The following ILK variants were observed in gnomAD, a reference collection of about 807,000 sequenced individuals.
ILK encodes scaffold protein ILK.
In ILK, 37 loss-of-function variants were observed where a neutral mutation model predicts 57.8. The observed-to-expected ratio is 0.64, with a 90% CI of 0.49 to 0.84. The LOEUF (loss-of-function observed/expected upper bound fraction) is 0.84. ILK is among the 40% of genes least tolerant of loss of function. The pLI is 0.00. For synonymous variants in ILK, 231 were observed against 202.2 expected, an observed-to-expected ratio of 1.14 and a Z score of -1.21; for missense variants, 528 against 595.7, an observed-to-expected ratio of 0.89 and a Z score of 1.18.
chr11:6,604,058 C>T (rs1854569904), intron 1 of ILK, 122 bp from the exon 2 acceptor site: 6 of 613,326 alleles, frequency 9.8e-6, no homozygotes, highest in South Asian at 9.4e-5. Context: ...CCCGCCTTTA[C>T]CTCGCGTCTA....
At chr11:6,605,285 G>C (rs1564841972) in intron 2 of ILK, among the ~76,000 whole-genome samples, 1 of 152,134 alleles carries the variant, frequency 6.6e-6, no homozygotes, top group Non-Finnish European at 1.5e-5. Flanking sequence ...TGAAGACGTG[G>C]TTGTGAAGGA....
Position 6,608,124 on chromosome 11 carries a change from G to A in ILK, c.168G>A (p.Arg56=). 1 of 1,614,118 alleles carries A rather than the reference G, an allele frequency of 6.2e-7. No individual in the cohort carries two copies. The highest frequency in any genetic ancestry group is 8.5e-7 in the Non-Finnish European group (1 of 1,179,994). The change falls in exon 3 of 13, where the codon CGG becomes CGA. Residue 56 remains arginine (R), a synonymous_variant. Coordinates refer to ENST00000299421, the MANE Select transcript of ILK (RefSeq NM_004517.4). The surrounding 1 kb of genome is among the most constrained non-coding windows in gnomAD (Gnocchi z 4.9). ...CTGTGGTTGAGATGTTGATCATGCGGGGGGCACGGATCAATGTAATGAACC... is the reference window on the plus strand; with the variant it reads ...CTGTGGTTGAGATGTTGATCATGCGAGGGGCACGGATCAATGTAATGAACC... ...RSAVVEMLIM[R]GARINVMNRG...
Position 6,609,292 on chromosome 11 carries a change from C to T in ILK, c.619-7C>T. ...TTCAAGCCTCCTAACCCCTACCTGT[C>T]CTGCAGCTATGGAAGGGCCGCTGGC... On this transcript the variant is annotated splice_polypyrimidine_tract_variant and splice_region_variant and intron_variant, in intron 7 of 12. Transcript: ENST00000299421. The T allele has an allele frequency of 6.2e-7, 1 of 1,613,450 alleles. No individual in the cohort carries two copies. The highest frequency in any genetic ancestry group is 1.1e-5 in the South Asian group (1 of 91,074).
intron 2 of ILK, among the ~76,000 whole-genome samples, chr11:6,605,121 A>G (rs1487680785): frequency 6.6e-6 from 1 of 152,200 alleles, no homozygotes; most frequent in Non-Finnish European, 1.5e-5. Context: ...TGGACATGTT[A>G]AAGTTAAGGT....
chr11:6,609,089 A>C lies in ILK; in HGVS notation c.551A>C (p.Lys184Thr), dbSNP rs762454800. The change falls in exon 7 of 13, where the codon AAA becomes ACA. Residue 184 changes from lysine (K) to threonine (T), a missense_variant. Coordinates refer to ENST00000299421, the MANE Select transcript of ILK (RefSeq NM_004517.4). ...CTCTTAGGAAATGGAACCCTGAACA[A>C]ACACTCTGGCATTGACTTCAAACAG... Reference protein sequence around the residue: ...RTRPRNGTLNKHSGIDFKQLN... With the variant: ...RTRPRNGTLNTHSGIDFKQLN... 1.1e-5 allele frequency: 17 copies of C among 1,614,032 alleles called. No individual in the cohort carries two copies. In the African/African-American group the frequency reaches 1.2e-4, roughly 11 times the overall value.
Position 6,610,172 on chromosome 11 carries a change from C to CA in ILK, c.1106dup (p.Asn369LysfsTer26). 1 of 1,614,226 alleles carries CA rather than the reference C, an allele frequency of 6.2e-7. No individual in the cohort carries two copies. The highest frequency in any genetic ancestry group is 8.5e-7 in the Non-Finnish European group (1 of 1,180,030). On this transcript the variant is annotated frameshift_variant, in exon 12 of 13. Coordinates refer to ENST00000299421, the MANE Select transcript of ILK (RefSeq NM_004517.4). LOFTEE classifies it high-confidence loss of function. Reference sequence around the variant, plus strand: ...GCTCTGCAGAAGAAGCCTGAAGACACAAACAGACGCTCAGCAGACATGTGG... The same window carrying CA: ...GCTCTGCAGAAGAAGCCTGAAGACACAAAACAGACGCTCAGCAGACATGTGG...
At chr11:6,604,531 T>G in intron 2 of ILK, 171 bp downstream of exon 2, 1 of 690,796 alleles carries the variant, frequency 1.4e-6, no homozygotes, top group Non-Finnish European at 2.6e-6. Flanking sequence ...TTGAGCTGAA[T>G]CTTGACTGCA....
intron 2 of ILK, chr11:6,607,589 G>T: frequency 4.3e-6 from 1 of 232,718 alleles, no homozygotes; most frequent in Non-Finnish European, 8.7e-6. Flanking sequence ...CCACTAACAT[G>T]CACTGAACAG....
chr11:6,610,222 C>A lies in ILK; in HGVS notation c.1153C>A (p.Leu385Met). The A allele has an allele frequency of 3.7e-6, 6 of 1,614,232 alleles. No homozygotes were observed. The highest frequency in any genetic ancestry group is 5.1e-6 in the Non-Finnish European group (6 of 1,180,048). The change falls in exon 12 of 13, where the codon CTG becomes ATG. Residue 385 changes from leucine (L) to methionine (M), a missense_variant. Transcript: ENST00000299421. ...GAGTTTTGCAGTGCTTCTGTGGGAA[C>A]TGGTGACACGGGAGGTACCCTTTGC... ...MWSFAVLLWE[L>M]VTREVPFADL...
At position 6,609,503 on chromosome 11, in the gene ILK, C is replaced by T. The variant is rs1456515667; in HGVS notation, c.729-9C>T. The T allele has an allele frequency of 2.5e-6, 4 of 1,614,040 alleles. No individual in the cohort carries two copies. The highest frequency in any genetic ancestry group is 2.7e-5 in the African/African-American group (2 of 74,930). On this transcript the variant is annotated splice_polypyrimidine_tract_variant and intron_variant, in intron 8 of 12. Coordinates refer to ENST00000299421, the MANE Select transcript of ILK (RefSeq NM_004517.4). Reference sequence around the variant, plus strand: ...GTACTGGGTCTCAACCACTCCCTCCCTCTTCTAGGATTTTCTCGCATCCAA... The same window carrying T: ...GTACTGGGTCTCAACCACTCCCTCCTTCTTCTAGGATTTTCTCGCATCCAA...
At chr11:6,609,003 G>GGTTGT in intron 6 of ILK, 36 bp downstream of exon 6, 1 of 1,613,486 alleles carries the variant, frequency 6.2e-7, no homozygotes, top group South Asian at 1.1e-5. Flanking sequence ...GTTGTAAAAG[G>GGTTGT]AAATAATCCT....
intron 2 of ILK, chr11:6,606,686 T>C (rs1436591202): frequency 6.6e-6 from 1 of 152,232 alleles, no homozygotes; most frequent in African/African-American, 2.4e-5. Context: ...AAGTTGGCTA[T>C]ATGCTGGATA....
Position 6,603,780 on chromosome 11 carries a change from G to A in ILK, c.-135G>A, listed in dbSNP as rs1589920458. ...CCGGCGGCGGGCTGCGGGCGCGGCC[G>A]GACGGGAGTTCCCCGGAGAAGGATC... On this transcript the variant is annotated 5_prime_UTR_variant, in exon 1 of 13. Coordinates refer to ENST00000299421, the MANE Select transcript of ILK (RefSeq NM_004517.4). 1 of 377,088 alleles carries A rather than the reference G, an allele frequency of 2.7e-6. No individual in the cohort carries two copies. The highest frequency in any genetic ancestry group is 4.7e-6 in the Non-Finnish European group (1 of 212,646). The allele number at this position is 377,088 out of a possible 1,614,324, so 23.4% of individuals were successfully genotyped here.
In ILK at chr11:6,608,614, A is replaced by C. The variant is rs1665076710; in HGVS notation, c.352-80A>C. 7.3e-7 allele frequency: 1 copy of C among 1,371,250 alleles called. No homozygotes were observed. Among genetic ancestry groups the C allele is most frequent in the Non-Finnish European group, 1.0e-6 (1 of 958,576 alleles). 84.9% of individuals were successfully genotyped at this position (1,371,250 alleles called of 1,614,324 possible). ...TGTGACACTTACAGGATTAAGTTCT[A>C]CATTTGTGCATTCATGGTTGGTTCA... is the stretch of plus-strand genomic sequence containing the variant. On this transcript the variant is annotated intron_variant, in intron 4 of 12. Coordinates refer to ENST00000299421, the MANE Select transcript of ILK (RefSeq NM_004517.4). This position sits in a 1 kb window ranked among gnomAD's most constrained non-coding sequence, Gnocchi z 4.9.
rs1564846431 is a variant in ILK, at chr11:6,608,869, GT to G, written c.449-10del. Reference sequence around the variant, plus strand: ...CTCCCTCTGTACCACAGCTTAGGTTGTTTTTCTTCCCTAGAGCGGGCAGAGA... The same window carrying G: ...CTCCCTCTGTACCACAGCTTAGGTTGTTTTCTTCCCTAGAGCGGGCAGAGA... On this transcript the variant is annotated splice_polypyrimidine_tract_variant and intron_variant, in intron 5 of 12. Coordinates refer to ENST00000299421, the MANE Select transcript of ILK (RefSeq NM_004517.4). The surrounding 1 kb of genome is among the most constrained non-coding windows in gnomAD (Gnocchi z 4.9). 3 of 1,613,988 alleles carry G rather than the reference GT, an allele frequency of 1.9e-6. No homozygotes were observed. In the South Asian group the frequency reaches 3.3e-5, roughly 18 times the overall value.
chr11:6,607,751 G>A (rs1855072460), intron 2 of ILK: 1 of 443,142 alleles, frequency 2.3e-6, no homozygotes, highest in Non-Finnish European at 4.2e-6. Flanking sequence ...TGTTGCAGAA[G>A]GGGTGCAAGA....
Position 6,608,269 on chromosome 11 carries a change from G to C in ILK, c.255+58G>C, listed in dbSNP as rs1194718809. 1.9e-6 allele frequency: 3 copies of C among 1,596,044 alleles called. No homozygotes were observed. In the East Asian group the frequency reaches 6.7e-5, roughly 36 times the overall value. ...ATACATGCCATGAGGGTCAGTCACA[G>C]GCACTGTAACATACAGTAGAAAGCA... On this transcript the variant is annotated intron_variant, in intron 3 of 12. Transcript: ENST00000299421. This position sits in a 1 kb window ranked among gnomAD's most constrained non-coding sequence, Gnocchi z 4.9.
At position 6,604,855 on chromosome 11, in the gene ILK, T is replaced by C. The variant is rs557010483; in HGVS notation, c.89+495T>C. 2.7e-3 allele frequency: 1,245 copies of C among 456,706 alleles called. 2 individuals are homozygous for C. Among genetic ancestry groups the C allele is most frequent in the Non-Finnish European group, 3.8e-3 (863 of 227,260 alleles). 28.3% of individuals were successfully genotyped at this position (456,706 alleles called of 1,614,324 possible). On this transcript the variant is annotated intron_variant, in intron 2 of 12. Transcript: ENST00000299421. ...TAATGAGATTGTCCATTTTTCAGTA[T>C]CGTCTTGGATGCTTTGTGAAGAGCA... is the stretch of plus-strand genomic sequence containing the variant.
chr11:6,609,642 G>A lies in ILK; in HGVS notation c.856+3G>A, dbSNP rs750836317. ...CAATGTACTACATGAAGGCACCAGT[G>A]AGTAGGGATGTTGAATTTCCTTGGG... On this transcript the variant is annotated splice_donor_region_variant and intron_variant, in intron 9 of 12. Coordinates refer to ENST00000299421, the MANE Select transcript of ILK (RefSeq NM_004517.4). 6.8e-6 allele frequency: 11 copies of A among 1,614,200 alleles called. No individual in the cohort carries two copies. The highest frequency in any genetic ancestry group is 9.3e-6 in the Non-Finnish European group (11 of 1,180,036).
Sources: allele counts gnomAD v4.1 joint callset (sites outside exome capture counted in the v4.1 genomes callset), GRCh38; gene constraint gnomAD v4.1.1; non-coding constraint Gnocchi (gnomAD v3.1); transcripts MANE v1.5; gene names NCBI Gene and HGNC (gene_info 2026-07-23, HGNC 2026-07-21).